The following GLIS3 variants were observed in gnomAD, a reference collection of about 807,000 sequenced individuals.
The protein encoded by GLIS3 is zinc finger protein GLIS3.
A neutral mutation model predicts 78.6 loss-of-function variants in GLIS3; 53 were observed. That is an observed-to-expected ratio of 0.67 (90% CI 0.54 to 0.85). The LOEUF (loss-of-function observed/expected upper bound fraction) is 0.85, where lower values mean the gene tolerates loss of function less well. Among genes scored for constraint, GLIS3 ranks in the 40% least tolerant of loss-of-function variants. The pLI, the probability that GLIS3 is intolerant of heterozygous loss-of-function variation, is 0.00. For missense variants in GLIS3, 1,703 were observed against 1,231.1 expected (o/e 1.38, Z -5.74); for synonymous variants, 684 against 509.9 (o/e 1.34, Z -4.60).
the GLIS3 span, among the ~76,000 whole-genome samples, chr9:4,408,652 G>A: frequency 1.0e-4 from 15 of 144,060 alleles, no homozygotes; most frequent in Non-Finnish European, 2.0e-4. Flanking sequence ...GCGTGAACCC[G>A]GGAGGCGGAG....
In GLIS3 at chr9:4,286,202, G is replaced by C; in HGVS notation, c.224C>G (p.Ala75Gly). 3 of 1,614,202 alleles carry C rather than the reference G, an allele frequency of 1.9e-6. No individual in the cohort carries two copies. The highest frequency in any genetic ancestry group is 1.7e-6 in the Non-Finnish European group (2 of 1,180,034). ...GGGMAPQNNV[A>G]ESRIHLPALS... Reference sequence around the variant, plus strand: ...GGCAGGCAGATGGATGCGGCTCTCAGCCACGTTGTTCTGAGGAGCCATCCC... The same window carrying C: ...GGCAGGCAGATGGATGCGGCTCTCACCCACGTTGTTCTGAGGAGCCATCCC... Residue 75 changes from alanine to glycine, a missense_variant, in exon 2 of 11, where the codon GCT becomes GGT. Physicochemically the swap from Ala to Gly is moderately conservative, Grantham distance 60. Transcript: ENST00000381971.
At chr9:4,219,999 G>A (rs1237536185) in intron 2 of GLIS3, among the ~76,000 whole-genome samples, 1 of 152,172 alleles carries the variant, frequency 6.6e-6, no homozygotes, top group African/African-American at 2.4e-5. Flanking sequence ...AGCAGTGGAT[G>A]AGCTCAGAAA....
chr9:4,406,294 T>C, the GLIS3 span, among the ~76,000 whole-genome samples: 1 of 152,218 alleles, frequency 6.6e-6, no homozygotes, highest in African/African-American at 2.4e-5. Context: ...TATCCTTGTT[T>C]GCAGATGAGC....
chr9:4,037,501 C>A (rs1229834983), intron 4 of GLIS3, among the ~76,000 whole-genome samples: 1 of 151,672 alleles, frequency 6.6e-6, no homozygotes, highest in Non-Finnish European at 1.5e-5. Flanking sequence ...ACCCCACAAG[C>A]CAAGTTCCAT....
chr9:4,039,591 G>A (rs1824628494), intron 4 of GLIS3, among the ~76,000 whole-genome samples: 2 of 152,170 alleles, frequency 1.3e-5, no homozygotes, highest in African/African-American at 4.8e-5. Context: ...TAAAAATACA[G>A]GCCAGGTAAG....
the GLIS3 span, among the ~76,000 whole-genome samples, chr9:4,479,374 C>T: frequency 6.6e-6 from 1 of 152,180 alleles, no homozygotes; most frequent in Non-Finnish European, 1.5e-5. Flanking sequence ...TCCCTGTGGG[C>T]CTTTGTGGAT....
chr9:3,959,161 C>T (rs1297933254), intron 4 of GLIS3, among the ~76,000 whole-genome samples: 1 of 152,156 alleles, frequency 6.6e-6, no homozygotes, highest in East Asian at 1.9e-4. Context: ...GGGCATTCTG[C>T]AAGGATTAAT....
At chr9:4,461,117 T>C in the GLIS3 span, among the ~76,000 whole-genome samples, 2 of 152,232 alleles carry the variant, frequency 1.3e-5, no homozygotes, top group Admixed American at 6.5e-5. Context: ...ACTCTTTTTC[T>C]GTGATACTCT....
chr9:3,883,669 G>C (rs954764423), intron 7 of GLIS3, among the ~76,000 whole-genome samples: 4 of 152,184 alleles, frequency 2.6e-5, no homozygotes, highest in African/African-American at 4.8e-5. Context: ...ACACACACAG[G>C]CTGCCCACAG....
intron 2 of GLIS3, among the ~76,000 whole-genome samples, chr9:4,258,164 A>G (rs1438138395): frequency 6.6e-6 from 1 of 152,186 alleles, no homozygotes; most frequent in Non-Finnish European, 1.5e-5. Flanking sequence ...ATGAAAAAAA[A>G]TACGTCTTTT....
intron 2 of GLIS3, among the ~76,000 whole-genome samples, chr9:4,129,866 G>T (rs1442119245): frequency 6.6e-6 from 1 of 152,138 alleles, no homozygotes; most frequent in Admixed American, 6.5e-5. Context: ...GGAAGATGTG[G>T]AAAATAGTGG....
At chr9:4,276,692 G>C (rs1165721323) in intron 2 of GLIS3, among the ~76,000 whole-genome samples, 1 of 152,168 alleles carries the variant, frequency 6.6e-6, no homozygotes, top group Non-Finnish European at 1.5e-5. Flanking sequence ...AATGTTATAA[G>C]ACTGAAACCC....
intron 4 of GLIS3, among the ~76,000 whole-genome samples, chr9:4,103,001 T>C (rs2130807792): frequency 6.6e-6 from 1 of 152,262 alleles, no homozygotes; most frequent in Admixed American, 6.5e-5. Flanking sequence ...ATCTTTTCTC[T>C]GTGTTTGGAC....
chr9:4,423,429 T>C, the GLIS3 span, among the ~76,000 whole-genome samples: 1 of 151,988 alleles, frequency 6.6e-6, no homozygotes, highest in African/African-American at 2.4e-5. Flanking sequence ...AAGCTACTCA[T>C]TCCCCCAACT....
chr9:4,091,665 C>A (rs1023997704), intron 4 of GLIS3, among the ~76,000 whole-genome samples: 2 of 152,096 alleles, frequency 1.3e-5, no homozygotes, highest in African/African-American at 4.8e-5. Context: ...GAGCATCCCC[C>A]TTCGCTCGAC....
At chr9:3,952,910 G>T (rs1269413379) in intron 4 of GLIS3, among the ~76,000 whole-genome samples, 3 of 152,208 alleles carry the variant, frequency 2.0e-5, no homozygotes, top group South Asian at 2.1e-4. Flanking sequence ...AGGTCCTGGG[G>T]GAGCTAACTG....
chr9:4,107,575 G>C (rs2130828268), intron 4 of GLIS3, among the ~76,000 whole-genome samples: 1 of 152,248 alleles, frequency 6.6e-6, no homozygotes, highest in Admixed American at 6.5e-5. Flanking sequence ...GCTGAGATTT[G>C]GGTTAAATTA....
rs547690435 is a variant in GLIS3 at position 4,296,250 on chromosome 9, T to A, written c.-99+3171A>T. 4.8e-5 allele frequency among the ~76,000 whole-genome samples: 7 copies of A among 146,188 alleles called. No individual in the cohort carries two copies. In the South Asian group the frequency reaches 6.5e-4, roughly 13 times the overall value. On this transcript the variant is annotated intron_variant, in intron 1 of 10. Coordinates refer to ENST00000381971, the MANE Select transcript of GLIS3 (RefSeq NM_001042413.2). ...GAGAGACAACAGTGGAAAGAATGAATGTCCTCAGGCTTAATTTACTAGCAG... is the reference window on the plus strand; with the variant it reads ...GAGAGACAACAGTGGAAAGAATGAAAGTCCTCAGGCTTAATTTACTAGCAG...
chr9:3,941,283 C>T (rs1415477587), intron 4 of GLIS3, among the ~76,000 whole-genome samples: 1 of 152,092 alleles, frequency 6.6e-6, no homozygotes, highest in Non-Finnish European at 1.5e-5. Context: ...CATTCCACAG[C>T]AGGGCAAAAA....
Sources: gnomAD v4.1 joint callset for allele counts (sites outside exome capture counted in the v4.1 genomes callset) on GRCh38, gnomAD v4.1.1 for gene constraint, MANE v1.5 for transcripts, NCBI Gene and HGNC (gene_info 2026-07-23, HGNC 2026-07-21) for gene names.